RPRD1B: variants seen among roughly 807,000 people sequenced by gnomAD.
The protein encoded by RPRD1B is regulation of nuclear pre-mRNA domain containing 1B, also known as regulation of nuclear pre-mRNA domain-containing protein 1B.
RPRD1B carries 11 observed loss-of-function variants against 41.5 expected under a neutral mutation model. The observed-to-expected ratio is 0.27, with a 90% CI of 0.17 to 0.44. RPRD1B has a LOEUF of 0.44. Ranked by LOEUF, RPRD1B falls within the 20% of genes least tolerant of loss-of-function variation. The pLI, the probability that RPRD1B is intolerant of heterozygous loss-of-function variation, is 1.00. For missense variants in RPRD1B, 248 were observed against 389.9 expected, an observed-to-expected ratio of 0.64 and a Z score of 3.06; for synonymous variants, 158 against 155.6, an observed-to-expected ratio of 1.02 and a Z score of -0.12.
At chr20:38,061,871 C>T (rs1450246197) in intron 5 of RPRD1B, among the ~76,000 whole-genome samples, 1 of 152,120 alleles carries the variant, frequency 6.6e-6, no homozygotes, top group Non-Finnish European at 1.5e-5. Flanking sequence ...ACCCCCCACC[C>T]CGCAAACACC....
At chr20:38,084,383 G>A (rs992884575) in intron 6 of RPRD1B, among the ~76,000 whole-genome samples, 1 of 152,182 alleles carries the variant, frequency 6.6e-6, no homozygotes, top group Non-Finnish European at 1.5e-5. Context: ...CAAGATGATG[G>A]AGATTTCCAG....
chr20:38,071,036 C>T (rs138073872), intron 6 of RPRD1B, among the ~76,000 whole-genome samples: 8 of 152,290 alleles, frequency 5.3e-5, no homozygotes, highest in Non-Finnish European at 7.4e-5. Context: ...CTGGCCTTAA[C>T]TGTGAATTTT....
chr20:38,036,031 T>C (rs2122684587), intron 1 of RPRD1B, among the ~76,000 whole-genome samples: 1 of 152,282 alleles, frequency 6.6e-6, no homozygotes, highest in South Asian at 2.1e-4. Flanking sequence ...CCCAAAGTGC[T>C]GGTATTACAG....
intron 6 of RPRD1B, among the ~76,000 whole-genome samples, chr20:38,081,266 G>T (rs962989029): frequency 4.0e-5 from 6 of 151,292 alleles, no homozygotes; most frequent in Non-Finnish European, 8.8e-5. Context: ...AATTCTTGTT[G>T]TCGAGATTTT....
chr20:38,049,270 T>C (rs2074154604), intron 3 of RPRD1B, among the ~76,000 whole-genome samples: 3 of 152,048 alleles, frequency 2.0e-5, no homozygotes, highest in Admixed American at 2.0e-4. Flanking sequence ...TGATCTTTAC[T>C]GAACCCAGGA....
chr20:38,034,859 A>G (rs2073981163), intron 1 of RPRD1B, among the ~76,000 whole-genome samples: 1 of 152,236 alleles, frequency 6.6e-6, no homozygotes, highest in African/African-American at 2.4e-5. Flanking sequence ...TGCCTCTGCC[A>G]ACTGCCTAGA....
At chr20:38,083,698 T>G (rs2074535179) in intron 6 of RPRD1B, among the ~76,000 whole-genome samples, 1 of 152,240 alleles carries the variant, frequency 6.6e-6, no homozygotes, top group Non-Finnish European at 1.5e-5. Context: ...CATTTTGTCG[T>G]TTTTCCTTTT....
intron 1 of RPRD1B, among the ~76,000 whole-genome samples, chr20:38,035,768 GTTT>G (rs5841283): frequency 7.0e-6 from 1 of 142,376 alleles, no homozygotes; most frequent in Non-Finnish European, 1.5e-5. Flanking sequence ...CATTTTTTTT[GTTT>G]TTTTTTTTTT....
intron 6 of RPRD1B, among the ~76,000 whole-genome samples, chr20:38,066,659 T>C (rs1026519343): frequency 7.2e-5 from 11 of 152,192 alleles, no homozygotes; most frequent in African/African-American, 2.4e-4. Context: ...TGGAGGTTTA[T>C]TTCTTTTTTT....
chr20:38,061,016 C>G (rs2074291936), intron 5 of RPRD1B, among the ~76,000 whole-genome samples: 1 of 152,184 alleles, frequency 6.6e-6, no homozygotes, highest in African/African-American at 2.4e-5. Context: ...GCAAAAATTG[C>G]AAGCAAGTTA....
intron 2 of RPRD1B, among the ~76,000 whole-genome samples, chr20:38,045,135 T>C (rs2074108467): frequency 6.6e-6 from 1 of 152,252 alleles, no homozygotes; most frequent in Non-Finnish European, 1.5e-5. Context: ...TTGAATTTGT[T>C]ATTAATCAGA....
intron 1 of RPRD1B, among the ~76,000 whole-genome samples, chr20:38,037,841 A>G (rs1298576373): frequency 6.6e-6 from 1 of 152,056 alleles, no homozygotes; most frequent in Admixed American, 6.6e-5. Context: ...CTGACATTTT[A>G]CAATATGGAT....
chr20:38,087,102 G>T (rs551758769), intron 6 of RPRD1B, among the ~76,000 whole-genome samples: 1 of 152,096 alleles, frequency 6.6e-6, no homozygotes, highest in East Asian at 1.9e-4. Flanking sequence ...CGATTAACAG[G>T]CACCCACCAC....
intron 6 of RPRD1B, among the ~76,000 whole-genome samples, chr20:38,087,532 G>A (rs1382526071): frequency 6.6e-6 from 1 of 152,160 alleles, no homozygotes; most frequent in African/African-American, 2.4e-5. Flanking sequence ...TGATTTGTCA[G>A]CTTTGGTCAG....
intron 6 of RPRD1B, among the ~76,000 whole-genome samples, chr20:38,075,159 C>G (rs1027308631): frequency 1.3e-5 from 2 of 152,218 alleles, no homozygotes; most frequent in African/African-American, 4.8e-5. Context: ...GTCTGCTTGT[C>G]TTTTAAGTAT....
At chr20:38,052,625 G>T (rs1395615761) in intron 3 of RPRD1B, among the ~76,000 whole-genome samples, 1 of 152,018 alleles carries the variant, frequency 6.6e-6, no homozygotes, top group Non-Finnish European at 1.5e-5. Flanking sequence ...AAAGTCTATA[G>T]GTGTGGTTTT....
chr20:38,076,356 C>T (rs928857074), intron 6 of RPRD1B, among the ~76,000 whole-genome samples: 18 of 152,230 alleles, frequency 1.2e-4, no homozygotes, highest in African/African-American at 4.1e-4. Context: ...CTTAACTAAT[C>T]TGAAGTTGTT....
rs1485265801 is a variant in RPRD1B, at chr20:38,033,781, C to G, written c.-167C>G. On this transcript the variant is annotated 5_prime_UTR_variant, in exon 1 of 7. Coordinates refer to ENST00000373433, the MANE Select transcript of RPRD1B (RefSeq NM_021215.4). ...CATCTTGTGGCGGCGGCGCGGGCGG[C>G]TGTTACTGCGGAGACCCATCCCCTC... 4.8e-6 allele frequency: 3 copies of G among 624,930 alleles called. No homozygotes were observed. In the African/African-American group the frequency reaches 5.6e-5, roughly 12 times the overall value. 38.7% of individuals were successfully genotyped at this position (624,930 alleles called of 1,614,324 possible). A position where few individuals can be genotyped will look rare whatever the true frequency, so the allele number is the denominator to read the frequency against.
chr20:38,063,492 G>A (rs565283985), intron 5 of RPRD1B, among the ~76,000 whole-genome samples: 1 of 152,326 alleles, frequency 6.6e-6, no homozygotes, highest in East Asian at 1.9e-4. Context: ...CATAAAGCCC[G>A]ATTGGGGTGG....
Sources: gnomAD v4.1 joint callset for allele counts (sites outside exome capture counted in the v4.1 genomes callset) on GRCh38, gnomAD v4.1.1 for gene constraint, MANE v1.5 for transcripts, NCBI Gene and HGNC (gene_info 2026-07-23, HGNC 2026-07-21) for gene names.